MACROH2A1: variants seen among roughly 807,000 people sequenced by gnomAD.
MACROH2A1 encodes core histone macro-H2A.1.
Under a neutral mutation model 31.6 loss-of-function variants are expected in MACROH2A1, and 2 were observed. The observed-to-expected ratio is 0.06, with a 90% CI of 0.03 to 0.20. The LOEUF is 0.20. Among genes scored for constraint, MACROH2A1 ranks in the 10% least tolerant of loss-of-function variants. The pLI is 1.00. For missense variants in MACROH2A1, 230 were observed against 474.0 expected, an observed-to-expected ratio of 0.49 and a Z score of 4.78; for synonymous variants, 169 against 189.6, an observed-to-expected ratio of 0.89 and a Z score of 0.89.
At chr5:135,386,119 G>A (rs547221088) in intron 2 of MACROH2A1, among the ~76,000 whole-genome samples, 2 of 152,184 alleles carry the variant, frequency 1.3e-5, no homozygotes, top group African/African-American at 2.4e-5. Flanking sequence ...TAACATCCAC[G>A]TGCTCCCACA....
intron 2 of MACROH2A1, among the ~76,000 whole-genome samples, chr5:135,377,992 C>T (rs1765121700): frequency 6.6e-6 from 1 of 152,198 alleles, no homozygotes; most frequent in Non-Finnish European, 1.5e-5. Flanking sequence ...ACCAGCCTGG[C>T]CTCTGTGCTG....
At chr5:135,373,597 C>T (rs1038866436) in intron 2 of MACROH2A1, among the ~76,000 whole-genome samples, 7 of 152,164 alleles carry the variant, frequency 4.6e-5, no homozygotes, top group African/African-American at 1.7e-4. Flanking sequence ...CTGTAAGTGA[C>T]AGTGAGTAGC....
intron 5 of MACROH2A1, chr5:135,358,008 G>C (rs1029993075): frequency 2.0e-6 from 2 of 984,732 alleles, no homozygotes; most frequent in African/African-American, 3.5e-5. Flanking sequence ...GAGATTCATA[G>C]GACACAGGGT....
At chr5:135,355,152 A>G (rs1762022118) in intron 5 of MACROH2A1, 2 of 455,682 alleles carry the variant, frequency 4.4e-6, no homozygotes, top group Non-Finnish European at 8.8e-6. Context: ...CCTGTATCTG[A>G]CTCTCTTCGC....
chr5:135,351,044 G>A (rs1016857914), intron 6 of MACROH2A1: 16 of 634,836 alleles, frequency 2.5e-5, no homozygotes, highest in Non-Finnish European at 4.3e-5. Flanking sequence ...GGGGCAATCA[G>A]TCCACGCAGT....
chr5:135,355,173 C>A, intron 5 of MACROH2A1: 1 of 456,054 alleles, frequency 2.2e-6, no homozygotes, highest in Non-Finnish European at 4.4e-6. Context: ...GGGAGAACCA[C>A]CTGCTCTGTC....
At chr5:135,359,749 T>C in intron 5 of MACROH2A1, 1 of 960,328 alleles carries the variant, frequency 1.0e-6, no homozygotes, top group Non-Finnish European at 1.2e-6. Context: ...TTCCTTTAAT[T>C]CTTTAAGTAT....
At chr5:135,382,210 G>A (rs1477536265) in intron 2 of MACROH2A1, among the ~76,000 whole-genome samples, 1 of 152,132 alleles carries the variant, frequency 6.6e-6, no homozygotes, top group African/African-American at 2.4e-5. Context: ...AGGTTTTGTG[G>A]TGTTGTGTGC....
At chr5:135,364,031 T>C (rs901772442) in intron 4 of MACROH2A1, among the ~76,000 whole-genome samples, 8 of 152,238 alleles carry the variant, frequency 5.3e-5, no homozygotes, top group Non-Finnish European at 8.8e-5. Flanking sequence ...GATTTTTTCT[T>C]GTAAATTTAA....
chr5:135,380,519 C>G (rs1049657714), intron 2 of MACROH2A1, among the ~76,000 whole-genome samples: 1 of 152,198 alleles, frequency 6.6e-6, no homozygotes, highest in African/African-American at 2.4e-5. Flanking sequence ...GGTTCCGTAG[C>G]AGGCAGCATG....
At chr5:135,359,202 G>A (rs919788652) in intron 5 of MACROH2A1, 3 of 985,300 alleles carry the variant, frequency 3.0e-6, no homozygotes, top group Non-Finnish European at 3.6e-6. Flanking sequence ...AGTGCCTAAG[G>A]GCAGAGTGGG....
upstream of MACROH2A1, chr5:135,399,312 C>T (rs1248215287): frequency 6.6e-6 from 1 of 151,966 alleles, no homozygotes; most frequent in African/African-American, 2.4e-5. This position sits in a 1 kb window ranked among gnomAD's most constrained non-coding sequence, Gnocchi z 4.5. Flanking sequence ...CGTCCGGCCT[C>T]CGCGCCCGTG....
rs1366044398 is a variant in MACROH2A1 at position 135,337,791 on chromosome 5, C to T, written c.954-2650G>A. ...ACTTGCAGTGCCCACACCTGCCTAC[C>T]GTCCCGTTAATAGAGAGCAGACGGT... On this transcript the variant is annotated intron_variant, in intron 8 of 8. Transcript: ENST00000511689. 5 of 211,104 alleles carry T rather than the reference C, an allele frequency of 2.4e-5. No homozygotes were observed. In the East Asian group the frequency reaches 5.4e-4, roughly 23 times the overall value. The allele number at this position is 211,104 out of a possible 1,614,324, so 13.1% of individuals were successfully genotyped here.
intron 4 of MACROH2A1, among the ~76,000 whole-genome samples, chr5:135,365,295 G>A (rs530638715): frequency 2.8e-4 from 42 of 152,212 alleles, no homozygotes; most frequent in African/African-American, 9.2e-4. Context: ...CTCTTAAGAG[G>A]GGCCAGGCAT....
intron 5 of MACROH2A1, chr5:135,357,834 T>C (rs1762360692): frequency 1.0e-6 from 1 of 984,686 alleles, no homozygotes; most frequent in South Asian, 4.7e-5. Context: ...GTATGTGAAA[T>C]ACATCATTAA....
At position 135,366,399 on chromosome 5, in the gene MACROH2A1, T is replaced by C. The variant is rs573663465; in HGVS notation, c.477+3007A>G. Among the ~76,000 whole-genome samples the C allele has an allele frequency of 1.6e-4, 25 of 152,258 alleles. No homozygotes were observed. In the East Asian group the frequency reaches 4.2e-3, roughly 26 times the overall value. On this transcript the variant is annotated intron_variant, in intron 4 of 8. Transcript: ENST00000511689. ...CCAGACATGGTTCTATGCACTTCCA[T>C]GAATTCTGTTAAGCCTCACAACCAC...
rs1766821941 is a variant in MACROH2A1, at chr5:135,389,025, A to G, written c.69T>C (p.Phe23=). ...TGTACCGCAGCATCCGCCCCACGGGAAAGATGACTCCTGCTTTGGCAGACC... is the reference window on the plus strand; with the variant it reads ...TGTACCGCAGCATCCGCCCCACGGGGAAGATGACTCCTGCTTTGGCAGACC... ...TSRSAKAGVI[F]PVGRMLRYIK... Residue 23 remains phenylalanine (F), a synonymous_variant, in exon 2 of 9, where the codon TTT becomes TTC. Coordinates refer to ENST00000511689, the MANE Select transcript of MACROH2A1 (RefSeq NM_138610.3). The G allele has an allele frequency of 1.8e-5, 29 of 1,613,850 alleles. No individual in the cohort carries two copies. The highest frequency in any genetic ancestry group is 2.5e-5 in the Non-Finnish European group (29 of 1,179,894).
rs1403695060 is a variant in MACROH2A1, at chr5:135,398,776, T to TC, written c.-34+285dup. On this transcript the variant is annotated intron_variant, in intron 1 of 8. Transcript: ENST00000511689. This position sits in a 1 kb window ranked among gnomAD's most constrained non-coding sequence, Gnocchi z 4.6. ...AGGGTAGGCGCCAGCACCGCTTTTT[T>TC]CCCACAAAAGCGCCCAGGCGCGGGC... is the stretch of plus-strand genomic sequence containing the variant. Among the ~76,000 whole-genome samples the TC allele has an allele frequency of 6.6e-6, 1 of 152,208 alleles. No individual in the cohort carries two copies. The highest frequency in any genetic ancestry group is 1.5e-5 in the Non-Finnish European group (1 of 68,024).
At chr5:135,377,763 T>TGCTATC (rs1388639922) in intron 2 of MACROH2A1, among the ~76,000 whole-genome samples, 2 of 152,234 alleles carry the variant, frequency 1.3e-5, no homozygotes, top group Non-Finnish European at 2.9e-5. Context: ...CAGGCACTTC[T>TGCTATC]GCTATCGGCT....
Sources: gnomAD v4.1 joint callset for allele counts (sites outside exome capture counted in the v4.1 genomes callset) on GRCh38, gnomAD v4.1.1 for gene constraint, Gnocchi (gnomAD v3.1) non-coding constraint, MANE v1.5 for transcripts, NCBI Gene and HGNC (gene_info 2026-07-23, HGNC 2026-07-21) for gene names.